Variants in PLS1 observed in about 807,000 individuals in gnomAD.
The protein encoded by PLS1 is plastin 1.
A neutral mutation model predicts 73.7 loss-of-function variants in PLS1; 32 were observed. The observed-to-expected ratio is 0.43, with a 90% CI of 0.33 to 0.58. The LOEUF is 0.58. Among genes scored for constraint, PLS1 ranks in the 20% least tolerant of loss-of-function variants. PLS1 has a pLI of 0.04. For synonymous variants in PLS1, 217 were observed against 261.3 expected (o/e 0.83, Z 1.63); for missense variants, 633 against 740.5 (o/e 0.85, Z 1.68).
intron 10 of PLS1, among the ~76,000 whole-genome samples, chr3:142,693,098 G>C (rs2038118936): frequency 6.6e-6 from 1 of 152,090 alleles, no homozygotes; most frequent in Non-Finnish European, 1.5e-5. Context: ...AGATACAACA[G>C]ACTGATCAGT....
chr3:142,600,915 T>TA (rs2035912867), intron 1 of PLS1, among the ~76,000 whole-genome samples: 1 of 25,556 alleles, frequency 3.9e-5, no homozygotes, highest in Non-Finnish European at 6.0e-5. Context: ...TATATATATA[T>TA]ATTTTTTTTT....
chr3:142,607,932 C>A (rs538510728), intron 1 of PLS1, among the ~76,000 whole-genome samples: 65 of 151,772 alleles, frequency 4.3e-4, no homozygotes, highest in African/African-American at 1.4e-3. Context: ...GTATTCAGGG[C>A]AACTTGATCA....
At chr3:142,688,586 T>C (rs1234574182) in intron 9 of PLS1, among the ~76,000 whole-genome samples, 2 of 152,236 alleles carry the variant, frequency 1.3e-5, no homozygotes, top group Non-Finnish European at 2.9e-5. Context: ...TTGAATCTTG[T>C]GTTCATTGTT....
chr3:142,639,232 C>T (rs1335209051), intron 1 of PLS1, among the ~76,000 whole-genome samples: 3 of 152,092 alleles, frequency 2.0e-5, no homozygotes, highest in African/African-American at 7.2e-5. Flanking sequence ...GAGTTCAGGG[C>T]TGTCATTTCT....
At chr3:142,648,039 C>T (rs1472666447) in intron 1 of PLS1, among the ~76,000 whole-genome samples, 1 of 152,174 alleles carries the variant, frequency 6.6e-6, no homozygotes, top group African/African-American at 2.4e-5. Context: ...CATTGACTCC[C>T]TTACTAAGTT....
intron 4 of PLS1, among the ~76,000 whole-genome samples, chr3:142,674,391 G>A (rs1051696604): frequency 1.3e-5 from 2 of 152,062 alleles, no homozygotes; most frequent in Non-Finnish European, 2.9e-5. Flanking sequence ...ATTAAATTTT[G>A]GGGGTACCTG....
chr3:142,647,773 A>G (rs111765454), intron 1 of PLS1, among the ~76,000 whole-genome samples: 12 of 152,016 alleles, frequency 7.9e-5, no homozygotes, highest in South Asian at 6.2e-4. Flanking sequence ...TTTTCAGCCA[A>G]TTGGTACCTA....
At chr3:142,653,522 G>A (rs1425422962) in intron 1 of PLS1, among the ~76,000 whole-genome samples, 2 of 151,770 alleles carry the variant, frequency 1.3e-5, no homozygotes, top group Non-Finnish European at 1.5e-5. Flanking sequence ...CACCACGGCC[G>A]GCTAATTTTT....
chr3:142,689,465 G>A (rs2038043463), intron 9 of PLS1, among the ~76,000 whole-genome samples, 153 bp from the exon 10 acceptor site: 1 of 141,298 alleles, frequency 7.1e-6, no homozygotes, highest in Non-Finnish European at 1.6e-5. Context: ...TAAAGGAATG[G>A]GTAAGTTGAC....
chr3:142,614,358 G>C (rs1201589880), intron 1 of PLS1, among the ~76,000 whole-genome samples: 1 of 151,436 alleles, frequency 6.6e-6, no homozygotes. Flanking sequence ...TGGTCATTCA[G>C]GTATGCTCTG....
At chr3:142,646,551 A>G (rs1255315609) in intron 1 of PLS1, among the ~76,000 whole-genome samples, 2 of 152,256 alleles carry the variant, frequency 1.3e-5, no homozygotes, top group Non-Finnish European at 2.9e-5. Context: ...ATATCCCTTT[A>G]CTACAGGCAT....
chr3:142,710,583 C>T (rs1267149225), intron 14 of PLS1, among the ~76,000 whole-genome samples: 3 of 152,102 alleles, frequency 2.0e-5, no homozygotes, highest in African/African-American at 7.2e-5. Context: ...TAGGTTCACT[C>T]CTGGAACTAT....
intron 1 of PLS1, among the ~76,000 whole-genome samples, chr3:142,658,581 C>T (rs1173261121): frequency 6.6e-6 from 1 of 151,940 alleles, no homozygotes; most frequent in Non-Finnish European, 1.5e-5. Flanking sequence ...TTGTGTTATT[C>T]TCATGTATGT....
chr3:142,608,417 A>T (rs1484992492), intron 1 of PLS1, among the ~76,000 whole-genome samples: 1 of 152,242 alleles, frequency 6.6e-6, no homozygotes, highest in East Asian at 1.9e-4. Flanking sequence ...TTAGAATTCC[A>T]TAGTACTATG....
chr3:142,617,261 C>A (rs1198599355), intron 1 of PLS1, among the ~76,000 whole-genome samples: 1 of 151,944 alleles, frequency 6.6e-6, no homozygotes, highest in Non-Finnish European at 1.5e-5. Context: ...TAAACACGCT[C>A]AAGTCCTTGC....
At chr3:142,660,563 C>G (rs1461019274) in intron 1 of PLS1, among the ~76,000 whole-genome samples, 1 of 152,112 alleles carries the variant, frequency 6.6e-6, no homozygotes, top group Non-Finnish European at 1.5e-5. Flanking sequence ...ACCACCTCTG[C>G]CCAGCATGGT....
Position 142,619,616 on chromosome 3 carries a change from G to A in PLS1, c.-37+23107G>A, listed in dbSNP as rs1420878089. ...CATAAATGTGTACAGCATTAAAGAA[G>A]CCCCTGCAGCATCTTGGAGATAGTA... On this transcript the variant is annotated intron_variant, in intron 1 of 15. Coordinates refer to ENST00000457734, the MANE Select transcript of PLS1 (RefSeq NM_001145319.2). 3 of 152,168 alleles carry A rather than the reference G, an allele frequency of 2.0e-5. No homozygotes were observed. In the East Asian group the frequency reaches 5.8e-4, roughly 29 times the overall value. The allele number at this position is 152,168 out of a possible 1,614,324, so 9.4% of individuals were successfully genotyped here.
intron 1 of PLS1, among the ~76,000 whole-genome samples, chr3:142,606,306 T>G (rs888693575): frequency 6.6e-6 from 1 of 152,186 alleles, no homozygotes; most frequent in Non-Finnish European, 1.5e-5. Context: ...TGTTATGTCC[T>G]GAGGCATTAA....
chr3:142,598,773 G>A (rs2035857994), intron 1 of PLS1, among the ~76,000 whole-genome samples: 1 of 152,106 alleles, frequency 6.6e-6, no homozygotes, highest in Non-Finnish European at 1.5e-5. Flanking sequence ...CGAGGTGGGT[G>A]GATCACAAGG....
Sources: gnomAD v4.1 joint callset for allele counts (sites outside exome capture counted in the v4.1 genomes callset) on GRCh38, gnomAD v4.1.1 for gene constraint, MANE v1.5 for transcripts, NCBI Gene and HGNC (gene_info 2026-07-23, HGNC 2026-07-21) for gene names.